The following CSMD1 variants were observed in gnomAD, a reference collection of about 807,000 sequenced individuals.
CSMD1 encodes CUB and sushi domain-containing protein 1.
Under a neutral mutation model 417.5 loss-of-function variants are expected in CSMD1, and 213 were observed. The ratio of observed to expected loss-of-function variants is 0.51; its 90% CI spans 0.46 to 0.57. The LOEUF (loss-of-function observed/expected upper bound fraction) is 0.57, where lower values mean the gene tolerates loss of function less well. Ranked by LOEUF, CSMD1 falls within the 20% of genes least tolerant of loss-of-function variation. The pLI is 0.00. For synonymous variants in CSMD1, 2,862 were observed against 1,736.8 expected (o/e 1.65, Z -16.11); for missense variants, 6,923 against 4,529.7 (o/e 1.53, Z -15.17).
chr8:3,564,547 G>A (rs1280450336), intron 10 of CSMD1, among the ~76,000 whole-genome samples: 2 of 151,822 alleles, frequency 1.3e-5, no homozygotes, highest in African/African-American at 4.8e-5. Flanking sequence ...GTGTGTGTGT[G>A]TGTATAATAC....
At chr8:4,827,277 A>C (rs890677303) in intron 1 of CSMD1, among the ~76,000 whole-genome samples, 6 of 152,068 alleles carry the variant, frequency 3.9e-5, no homozygotes, top group African/African-American at 1.4e-4. Flanking sequence ...TATTTACTTC[A>C]TTACTCATGT....
Position 4,862,959 on chromosome 8 carries a change from GC to G in CSMD1, c.85+131372del, listed in dbSNP as rs1350994867. ...AACTAAGAGAGATAATGGCCACAAA[GC>G]CAAGTCAGGGTGCCCAAGAGGGAAC... On this transcript the variant is annotated intron_variant, in intron 1 of 69. Coordinates refer to ENST00000635120, the MANE Select transcript of CSMD1 (RefSeq NM_033225.6). Among the ~76,000 whole-genome samples, 30 of 152,056 alleles carry G rather than the reference GC, an allele frequency of 2.0e-4. 2 individuals carry two copies. Among genetic ancestry groups the G allele is most frequent in the Middle Eastern group, 6.8e-3 (2 of 294 alleles).
At chr8:3,636,479 T>G (rs1368140793) in intron 7 of CSMD1, among the ~76,000 whole-genome samples, 4 of 152,190 alleles carry the variant, frequency 2.6e-5, no homozygotes, top group Non-Finnish European at 4.4e-5. Context: ...CTCCTGTCCC[T>G]GGAAGTAAAA....
chr8:3,761,554 G>A (rs1235397491), intron 5 of CSMD1, among the ~76,000 whole-genome samples: 2 of 133,072 alleles, frequency 1.5e-5, no homozygotes, highest in East Asian at 2.2e-4. Flanking sequence ...CACCCAGGCT[G>A]GAGTGAAATG....
chr8:4,885,185 C>T (rs1036511611), intron 1 of CSMD1, among the ~76,000 whole-genome samples: 2 of 152,012 alleles, frequency 1.3e-5, no homozygotes, highest in African/African-American at 2.4e-5. Context: ...TATCTGGTAA[C>T]CTGCAAGCCT....
In CSMD1 at chr8:2,977,428, A is replaced by T. The variant is rs191329322; in HGVS notation, c.8566+1184T>A. Among the ~76,000 whole-genome samples, 171 of 152,322 alleles carry T rather than the reference A, an allele frequency of 1.1e-3. 1 individual carries two copies. In the South Asian group the frequency reaches 0.022, roughly 20 times the overall value. On this transcript the variant is annotated intron_variant, in intron 55 of 69. Coordinates refer to ENST00000635120, the MANE Select transcript of CSMD1 (RefSeq NM_033225.6). ...CCATCCATGTCTCTGCAAAGGACATAATCTCATTCTTTTTTATGGCTGCAT... is the reference window on the plus strand; with the variant it reads ...CCATCCATGTCTCTGCAAAGGACATTATCTCATTCTTTTTTATGGCTGCAT...
intron 3 of CSMD1, among the ~76,000 whole-genome samples, chr8:4,338,028 G>T (rs546432914): frequency 1.3e-5 from 2 of 152,182 alleles, no homozygotes; most frequent in South Asian, 4.1e-4. Context: ...GAAATGCAAA[G>T]ATTTATTCCA....
At position 4,593,644 on chromosome 8, in the gene CSMD1, G is replaced by A. The variant is rs78650370; in HGVS notation, c.302+43698C>T. On this transcript the variant is annotated intron_variant, in intron 2 of 69. Coordinates refer to ENST00000635120, the MANE Select transcript of CSMD1 (RefSeq NM_033225.6). ...GATTTTTGTGATCCGGAGTCTTAAAGCTCTGAAAAGACCTTAGTTTAAAAT... is the reference window on the plus strand; with the variant it reads ...GATTTTTGTGATCCGGAGTCTTAAAACTCTGAAAAGACCTTAGTTTAAAAT... Among the ~76,000 whole-genome samples the A allele has an allele frequency of 9.3e-3, 1,422 of 152,180 alleles. 23 individuals are homozygous for A. Among genetic ancestry groups the A allele is most frequent in the African/African-American group, 0.032 (1,339 of 41,516 alleles).
At chr8:3,972,870 G>GA (rs1449836894) in intron 5 of CSMD1, among the ~76,000 whole-genome samples, 1 of 151,756 alleles carries the variant, frequency 6.6e-6, no homozygotes, top group Non-Finnish European at 1.5e-5. Flanking sequence ...AGAGCAAACG[G>GA]AAAAAATAAA....
At chr8:3,439,436 G>A (rs904729465) in intron 12 of CSMD1, among the ~76,000 whole-genome samples, 2 of 149,766 alleles carry the variant, frequency 1.3e-5, no homozygotes, top group African/African-American at 4.9e-5. Context: ...TATGGTACAT[G>A]TTCTTTGGTG....
intron 2 of CSMD1, among the ~76,000 whole-genome samples, chr8:4,601,339 G>C (rs1417619028): frequency 6.6e-6 from 1 of 152,180 alleles, no homozygotes; most frequent in African/African-American, 2.4e-5. Flanking sequence ...TGGAGACAGA[G>C]GTGGAGCTGT....
At position 4,530,234 on chromosome 8, in the gene CSMD1, C is replaced by A. The variant is rs1585209178; in HGVS notation, c.302+107108G>T. Reference sequence around the variant, plus strand: ...GGCCTGCCATTGTTATTTGTGACTGCATACCATGCTCCATTTTGTGTCTTC... The same window carrying A: ...GGCCTGCCATTGTTATTTGTGACTGAATACCATGCTCCATTTTGTGTCTTC... On this transcript the variant is annotated intron_variant, in intron 2 of 69. Transcript: ENST00000635120. Among the ~76,000 whole-genome samples the A allele has an allele frequency of 2.0e-5, 3 of 149,906 alleles. No individual in the cohort carries two copies. The East Asian group carries it at 6.0e-4, about 30-fold the overall frequency.
chr8:4,422,845 T>C (rs1350024668), intron 2 of CSMD1, among the ~76,000 whole-genome samples: 1 of 152,118 alleles, frequency 6.6e-6, no homozygotes, highest in Admixed American at 6.6e-5. Flanking sequence ...AAATGGTGTT[T>C]ATTAGAGGAA....
intron 6 of CSMD1, among the ~76,000 whole-genome samples, chr8:3,724,798 C>T (rs1037153324): frequency 1.3e-5 from 2 of 152,176 alleles, no homozygotes; most frequent in Non-Finnish European, 2.9e-5. Flanking sequence ...CAGTACTTTG[C>T]CATCAGCAGA....
At chr8:4,022,482 A>G (rs1460812815) in intron 4 of CSMD1, among the ~76,000 whole-genome samples, 1 of 152,178 alleles carries the variant, frequency 6.6e-6, no homozygotes, top group East Asian at 1.9e-4. Flanking sequence ...CTCAGGTTTA[A>G]AGACTTCCCT....
intron 5 of CSMD1, among the ~76,000 whole-genome samples, chr8:3,822,648 C>T (rs527708736): frequency 5.3e-5 from 8 of 152,240 alleles, no homozygotes; most frequent in Admixed American, 1.3e-4. Context: ...TATTACATTC[C>T]GTCTTCATTT....
chr8:4,497,561 G>A (rs1802040191), intron 2 of CSMD1, among the ~76,000 whole-genome samples: 1 of 152,196 alleles, frequency 6.6e-6, no homozygotes, highest in Non-Finnish European at 1.5e-5. Context: ...AGGGAGGAAA[G>A]ACGGATGAGT....
chr8:3,365,371 C>T (rs1423574436), intron 20 of CSMD1, among the ~76,000 whole-genome samples: 1 of 152,094 alleles, frequency 6.6e-6, no homozygotes, highest in Admixed American at 6.6e-5. Flanking sequence ...ATCTTAAAAT[C>T]CCCAAGAAAT....
At chr8:3,947,017 A>G (rs1378837357) in intron 5 of CSMD1, among the ~76,000 whole-genome samples, 1 of 152,056 alleles carries the variant, frequency 6.6e-6, no homozygotes, top group Non-Finnish European at 1.5e-5. Flanking sequence ...TCTAATCTCT[A>G]TGTCTGTATT....
Sources: gnomAD v4.1 joint callset for allele counts (sites outside exome capture counted in the v4.1 genomes callset) on GRCh38, gnomAD v4.1.1 for gene constraint, MANE v1.5 for transcripts, NCBI Gene and HGNC (gene_info 2026-07-23, HGNC 2026-07-21) for gene names.